Variants in CSMD1 observed in about 807,000 individuals in gnomAD.
The protein encoded by CSMD1 is CUB and sushi domain-containing protein 1.
A neutral mutation model predicts 417.5 loss-of-function variants in CSMD1; 213 were observed. The ratio of observed to expected loss-of-function variants is 0.51; its 90% CI spans 0.46 to 0.57. The LOEUF (loss-of-function observed/expected upper bound fraction) is 0.57. CSMD1 is among the 20% of genes least tolerant of loss of function. The probability of loss-of-function intolerance (pLI) is 0.00; values close to 1 mark genes in which losing one functional copy is unlikely to be tolerated. For synonymous variants in CSMD1, 2,862 were observed against 1,736.8 expected (o/e 1.65, Z -16.11); for missense variants, 6,923 against 4,529.7 (o/e 1.53, Z -15.17).
intron 3 of CSMD1, among the ~76,000 whole-genome samples, chr8:4,287,801 C>T (rs554188704): frequency 1.8e-4 from 28 of 152,060 alleles, no homozygotes; most frequent in African/African-American, 6.0e-4. Context: ...TATCTCTCCT[C>T]CAACCTCTCT....
At chr8:3,485,952 C>T (rs1454043821) in intron 11 of CSMD1, among the ~76,000 whole-genome samples, 6 of 152,074 alleles carry the variant, frequency 3.9e-5, no homozygotes, top group South Asian at 4.1e-4. Context: ...CTATAAAGAT[C>T]CCTTCGTATT....
At chr8:3,145,907 A>G (rs1818814992) in intron 40 of CSMD1, among the ~76,000 whole-genome samples, 1 of 152,256 alleles carries the variant, frequency 6.6e-6, no homozygotes, top group Non-Finnish European at 1.5e-5. Context: ...TCACCTGCAC[A>G]GAGAATTTTT....
At chr8:3,354,805 C>T (rs1194900111) in intron 21 of CSMD1, among the ~76,000 whole-genome samples, 2 of 86,056 alleles carry the variant, frequency 2.3e-5, no homozygotes, top group African/African-American at 1.0e-4. Context: ...TAAACTCTCT[C>T]TCTCTCTATA....
chr8:4,171,991 A>G (rs1714757), intron 3 of CSMD1, among the ~76,000 whole-genome samples: 1 of 151,934 alleles, frequency 6.6e-6, no homozygotes. Flanking sequence ...TTTGAATATC[A>G]CGGTTTAATA....
At chr8:3,281,769 C>A (rs568443598) in intron 26 of CSMD1, among the ~76,000 whole-genome samples, 12 of 152,244 alleles carry the variant, frequency 7.9e-5, no homozygotes, top group African/African-American at 2.6e-4. Flanking sequence ...TTTCCAAACT[C>A]ATTGATATGG....
At chr8:4,647,298 GGTTT>G (rs557994546) in intron 1 of CSMD1, among the ~76,000 whole-genome samples, 129 of 151,168 alleles carry the variant, frequency 8.5e-4, no homozygotes, top group South Asian at 5.6e-3. Flanking sequence ...ACAAACTGCA[GGTTT>G]GTTACATAGG....
intron 3 of CSMD1, among the ~76,000 whole-genome samples, chr8:4,118,864 T>C (rs1484730928): frequency 3.9e-5 from 6 of 152,178 alleles, no homozygotes; most frequent in Admixed American, 3.9e-4. Context: ...AATGTTAGAC[T>C]GGATAAAGAA....
chr8:4,542,497 G>A (rs952218373), intron 2 of CSMD1, among the ~76,000 whole-genome samples: 26 of 152,210 alleles, frequency 1.7e-4, no homozygotes, highest in African/African-American at 5.5e-4. Flanking sequence ...TTTTAAAAAA[G>A]CACAATTATT....
At chr8:3,735,888 G>A (rs1052928689) in intron 6 of CSMD1, among the ~76,000 whole-genome samples, 1 of 152,058 alleles carries the variant, frequency 6.6e-6, no homozygotes, top group Non-Finnish European at 1.5e-5. Flanking sequence ...ATGACATAGA[G>A]TTATAAATAA....
At chr8:4,357,914 A>G (rs1406663951) in intron 3 of CSMD1, among the ~76,000 whole-genome samples, 2 of 152,194 alleles carry the variant, frequency 1.3e-5, no homozygotes, top group Non-Finnish European at 2.9e-5. Context: ...TATAAAAAAT[A>G]GAGAATATAC....
chr8:3,059,734 G>T (rs959172883), intron 49 of CSMD1, among the ~76,000 whole-genome samples: 2 of 152,152 alleles, frequency 1.3e-5, no homozygotes, highest in Non-Finnish European at 2.9e-5. Context: ...AGTGGACTGG[G>T]GGAGGGGAAA....
At chr8:2,953,053 C>A (rs1802745779) in intron 65 of CSMD1, among the ~76,000 whole-genome samples, 1 of 151,994 alleles carries the variant, frequency 6.6e-6, no homozygotes, top group Admixed American at 6.6e-5. Flanking sequence ...TTTGCACCTA[C>A]AAAAGGAGTG....
intron 3 of CSMD1, among the ~76,000 whole-genome samples, chr8:4,283,316 C>A (rs542124122): frequency 6.6e-6 from 1 of 152,134 alleles, no homozygotes; most frequent in Non-Finnish European, 1.5e-5. Flanking sequence ...TGATTTGTAG[C>A]TTCAGTTCTC....
chr8:4,261,529 G>A (rs983826513), intron 3 of CSMD1, among the ~76,000 whole-genome samples: 15 of 152,090 alleles, frequency 9.9e-5, no homozygotes, highest in Non-Finnish European at 1.8e-4. Flanking sequence ...TTATATACTT[G>A]AAATTTGCTA....
At chr8:4,034,081 G>A (rs950027799) in intron 3 of CSMD1, among the ~76,000 whole-genome samples, 3 of 152,142 alleles carry the variant, frequency 2.0e-5, no homozygotes, top group African/African-American at 7.2e-5. Flanking sequence ...GCATCGGCAT[G>A]GGGGTGTATT....
chr8:3,468,429 C>T (rs575377265), intron 12 of CSMD1, among the ~76,000 whole-genome samples: 1 of 152,238 alleles, frequency 6.6e-6, no homozygotes, highest in East Asian at 1.9e-4. Flanking sequence ...GTCAAAAGAT[C>T]CCCACATATG....
chr8:3,360,850 CCTT>C (rs1386677505), intron 20 of CSMD1, among the ~76,000 whole-genome samples: 1 of 145,442 alleles, frequency 6.9e-6, no homozygotes, highest in Non-Finnish European at 1.5e-5. Flanking sequence ...CAAATCTGAT[CCTT>C]CTTTTTTTTT....
At chr8:3,297,361 A>C (rs1043763823) in intron 25 of CSMD1, among the ~76,000 whole-genome samples, 4 of 152,218 alleles carry the variant, frequency 2.6e-5, no homozygotes. Context: ...GGCCAAGAAT[A>C]GTCACAGTGA....
chr8:3,839,256 T>C (rs1239751754), intron 5 of CSMD1, among the ~76,000 whole-genome samples: 2 of 124,854 alleles, frequency 1.6e-5, no homozygotes, highest in Non-Finnish European at 3.1e-5. Context: ...TAATATATAT[T>C]ACTTATATAT....
Sources: allele counts gnomAD v4.1 joint callset (sites outside exome capture counted in the v4.1 genomes callset), GRCh38; gene constraint gnomAD v4.1.1; transcripts MANE v1.5; gene names NCBI Gene and HGNC (gene_info 2026-07-23, HGNC 2026-07-21).